MAMDC2: variants seen among roughly 807,000 people sequenced by gnomAD.
MAMDC2 encodes the protein MAM domain containing 2.
Under a neutral mutation model 89.8 loss-of-function variants are expected in MAMDC2, and 57 were observed. That is an observed-to-expected ratio of 0.63 (90% CI 0.51 to 0.79). The LOEUF (loss-of-function observed/expected upper bound fraction) is 0.79, where lower values mean the gene tolerates loss of function less well. MAMDC2 is among the 30% of genes least tolerant of loss of function. The pLI, the probability that MAMDC2 is intolerant of heterozygous loss-of-function variation, is 0.00. For synonymous variants in MAMDC2, 313 were observed against 293.4 expected (o/e 1.07, Z -0.68); for missense variants, 800 against 820.6 (o/e 0.97, Z 0.31).
At position 70,122,770 on chromosome 9, in the gene MAMDC2, A is replaced by AT. The variant is rs899098702; in HGVS notation, c.644-3381dup. Among the ~76,000 whole-genome samples the AT allele has an allele frequency of 4.6e-5, 7 of 152,084 alleles. No homozygotes were observed. In the South Asian group the frequency reaches 8.3e-4, roughly 18 times the overall value. ...TGTTAAGATTATTTTATTTATTTTT[A>AT]TTTTTTTTATGGAGGAATGAGCCCA... On this transcript the variant is annotated intron_variant, in intron 5 of 13. Transcript: ENST00000377182.
chr9:70,100,019 A>AGAGAGAGC (rs1352885859), intron 2 of MAMDC2, among the ~76,000 whole-genome samples: 1 of 140,798 alleles, frequency 7.1e-6, no homozygotes, highest in South Asian at 2.4e-4. Flanking sequence ...AGAGAGAGAG[A>AGAGAGAGC]GAGAGCACAA....
At chr9:70,106,380 C>T (rs1340515785) in intron 2 of MAMDC2, among the ~76,000 whole-genome samples, 8 of 152,158 alleles carry the variant, frequency 5.3e-5, no homozygotes, top group East Asian at 1.9e-4. Context: ...TCTACTTCTT[C>T]GGAAAAGGTT....
At chr9:70,217,600 G>C in intron 11 of MAMDC2, 1 of 1,610,550 alleles carries the variant, frequency 6.2e-7, no homozygotes, top group African/African-American at 1.3e-5. Context: ...ACCTACAAAG[G>C]CAGCACCTAA....
In MAMDC2 at chr9:70,218,511, A is replaced by G. The variant is rs1180215029; in HGVS notation, c.1826A>G (p.Glu609Gly). 7.4e-6 allele frequency: 12 copies of G among 1,614,098 alleles called. No homozygotes were observed. The highest frequency in any genetic ancestry group is 1.0e-5 in the Non-Finnish European group (12 of 1,180,028). Reference sequence around the variant, plus strand: ...CTGAAAAAGGAAGAAGACAGTGAAGAGTCCCTCTTATGGAGGAGAAGAGGT... The same window carrying G: ...CTGAAAAAGGAAGAAGACAGTGAAGGGTCCCTCTTATGGAGGAGAAGAGGT... Reference protein sequence around the residue: ...VYLKKEEDSEESLLWRRRGEQ... With the variant: ...VYLKKEEDSEGSLLWRRRGEQ... Residue 609 changes from glutamate to glycine, a missense_variant, in exon 12 of 14, where the codon GAG (glutamate) becomes GGG (glycine). Physicochemically the swap from Glu to Gly is moderately conservative, Grantham distance 98. Coordinates refer to ENST00000377182, the MANE Select transcript of MAMDC2 (RefSeq NM_153267.5).
intron 11 of MAMDC2, among the ~76,000 whole-genome samples, chr9:70,209,641 C>T (rs1338255654): frequency 6.6e-6 from 1 of 152,028 alleles, no homozygotes; most frequent in Non-Finnish European, 1.5e-5. Flanking sequence ...TCTTTCAGTT[C>T]CGCTCTGATC....
chr9:70,145,418 G>A (rs897766551), intron 9 of MAMDC2, among the ~76,000 whole-genome samples: 3 of 152,156 alleles, frequency 2.0e-5, no homozygotes, highest in Non-Finnish European at 4.4e-5. Flanking sequence ...TCTTGCAGCA[G>A]CATTATTGAA....
At chr9:70,198,168 A>G (rs1476103522) in intron 11 of MAMDC2, among the ~76,000 whole-genome samples, 3 of 29,530 alleles carry the variant, frequency 1.0e-4, no homozygotes, top group Admixed American at 1.1e-3. Context: ...GTGTATATAT[A>G]TATATATATA....
At chr9:70,170,664 G>T in intron 11 of MAMDC2, 33 bp downstream of exon 11, 1 of 1,532,666 alleles carries the variant, frequency 6.5e-7, no homozygotes, top group South Asian at 1.3e-5. Context: ...GTTTCCTAAG[G>T]AAAGCTTCTA....
intron 9 of MAMDC2, among the ~76,000 whole-genome samples, chr9:70,164,891 C>T (rs888379780): frequency 6.6e-6 from 1 of 151,490 alleles, no homozygotes; most frequent in African/African-American, 2.4e-5. Context: ...CCTACTGTCT[C>T]AGCCTCCCAA....
chr9:70,209,364 C>T (rs1250774482), intron 11 of MAMDC2, among the ~76,000 whole-genome samples: 1 of 151,972 alleles, frequency 6.6e-6, no homozygotes, highest in Non-Finnish European at 1.5e-5. Context: ...CTTGGGAGGG[C>T]ATATGTGTTG....
chr9:70,168,625 C>T, intron 9 of MAMDC2, 77 bp from the exon 10 acceptor site: 1 of 1,166,980 alleles, frequency 8.6e-7, no homozygotes, highest in Non-Finnish European at 1.3e-6. Flanking sequence ...GCCTGCTGTG[C>T]TAAGTGAATC....
At chr9:70,200,575 C>A (rs2033080844) in intron 11 of MAMDC2, among the ~76,000 whole-genome samples, 1 of 150,038 alleles carries the variant, frequency 6.7e-6, no homozygotes, top group Non-Finnish European at 1.5e-5. Context: ...GTAGTTTTTT[C>A]CAATTCTGTG....
At chr9:70,192,514 G>A (rs568488500) in intron 11 of MAMDC2, among the ~76,000 whole-genome samples, 4 of 152,012 alleles carry the variant, frequency 2.6e-5, no homozygotes, top group East Asian at 1.9e-4. Context: ...CTTATTCCAC[G>A]GTATGCTGCT....
At chr9:70,085,467 C>T (rs1314310259) in intron 2 of MAMDC2, among the ~76,000 whole-genome samples, 1 of 152,082 alleles carries the variant, frequency 6.6e-6, no homozygotes, top group Non-Finnish European at 1.5e-5. Context: ...AACTCCTTGT[C>T]ATCTGGTAAA....
At chr9:70,178,028 G>A (rs2032551992) in intron 11 of MAMDC2, among the ~76,000 whole-genome samples, 1 of 152,126 alleles carries the variant, frequency 6.6e-6, no homozygotes, top group African/African-American at 2.4e-5. Context: ...CAGGGCTGTA[G>A]GCCACACACT....
chr9:70,193,022 G>A (rs547299774), intron 11 of MAMDC2, among the ~76,000 whole-genome samples: 3 of 152,046 alleles, frequency 2.0e-5, no homozygotes, highest in South Asian at 4.2e-4. Context: ...ATTGAGGGTG[G>A]GGGGTTCTTG....
intron 12 of MAMDC2, among the ~76,000 whole-genome samples, chr9:70,219,721 G>C (rs558185751): frequency 1.7e-4 from 26 of 152,336 alleles, no homozygotes; most frequent in African/African-American, 6.3e-4. Flanking sequence ...ATTTGGCAAA[G>C]AATAACAGGT....
intron 2 of MAMDC2, among the ~76,000 whole-genome samples, chr9:70,075,052 T>G (rs191530804): frequency 2.4e-4 from 36 of 152,302 alleles, no homozygotes; most frequent in Admixed American, 5.2e-4. Context: ...TTCTACCACA[T>G]AAGAAGAAAC....
intron 6 of MAMDC2, among the ~76,000 whole-genome samples, chr9:70,128,667 T>A (rs996368842): frequency 9.9e-5 from 15 of 150,838 alleles, no homozygotes; most frequent in Admixed American, 5.3e-4. Flanking sequence ...AAAAAAAAAA[T>A]TATTTTTGAA....
Sources: gnomAD v4.1 joint callset for allele counts (sites outside exome capture counted in the v4.1 genomes callset) on GRCh38, gnomAD v4.1.1 for gene constraint, MANE v1.5 for transcripts, NCBI Gene and HGNC (gene_info 2026-07-23, HGNC 2026-07-21) for gene names.